KIF26B: variants seen among roughly 807,000 people sequenced by gnomAD.
The protein encoded by KIF26B is kinesin family member 26B, also known as kinesin-like protein KIF26B.
KIF26B carries 63 observed loss-of-function variants against 151.2 expected under a neutral mutation model. That is an observed-to-expected ratio of 0.42 (90% CI 0.34 to 0.51). The LOEUF (loss-of-function observed/expected upper bound fraction) is 0.51. KIF26B is among the 20% of genes least tolerant of loss of function. The pLI is 0.07. For missense variants in KIF26B, 2,813 were observed against 2,913.6 expected (o/e 0.97, Z 0.79); for synonymous variants, 1,357 against 1,262.1 (o/e 1.08, Z -1.59).
intron 10 of KIF26B, among the ~76,000 whole-genome samples, chr1:245,662,094 TAC>T (rs1446860056): frequency 7.0e-6 from 1 of 143,442 alleles, no homozygotes; most frequent in Non-Finnish European, 1.5e-5. Flanking sequence ...ATGATATACA[TAC>T]ACACACTCAA....
At chr1:245,531,137 A>G (rs1037281452) in intron 4 of KIF26B, among the ~76,000 whole-genome samples, 1 of 152,236 alleles carries the variant, frequency 6.6e-6, no homozygotes, top group Non-Finnish European at 1.5e-5. Flanking sequence ...TATGTTGCTA[A>G]GCAACCAGAT....
intron 4 of KIF26B, among the ~76,000 whole-genome samples, chr1:245,455,694 CAG>C (rs1428698072): frequency 6.6e-6 from 1 of 152,092 alleles, no homozygotes; most frequent in African/African-American, 2.4e-5. Context: ...TTCAAGAAGC[CAG>C]AGAGTGTGAA....
In KIF26B at chr1:245,553,601, C is replaced by T. The variant is rs9970676; in HGVS notation, c.1350+12651C>T. ...TTATGTTTCCCTGCCCTAAGCACAC[C>T]GATGAAAGTACATTAATACTCAAAA... On this transcript the variant is annotated intron_variant, in intron 5 of 14. Coordinates refer to ENST00000407071, the MANE Select transcript of KIF26B (RefSeq NM_018012.4). Among the ~76,000 whole-genome samples, 1,336 of 151,920 alleles carry T rather than the reference C, an allele frequency of 8.8e-3. 15 individuals carry two copies. Among genetic ancestry groups the T allele is most frequent in the African/African-American group, 0.031 (1,264 of 41,386 alleles).
At chr1:245,475,390 G>A (rs947064905) in intron 4 of KIF26B, among the ~76,000 whole-genome samples, 1 of 151,740 alleles carries the variant, frequency 6.6e-6, no homozygotes, top group Non-Finnish European at 1.5e-5. Context: ...GGGTTCCATT[G>A]TTTACAATGG....
intron 2 of KIF26B, among the ~76,000 whole-genome samples, chr1:245,301,797 C>T (rs992246988): frequency 5.3e-5 from 8 of 152,172 alleles, no homozygotes; most frequent in African/African-American, 1.9e-4. Context: ...CAAAGAAATC[C>T]CTGGTCAAGC....
In KIF26B at chr1:245,540,268, C is replaced by T. The variant is rs1661583356; in HGVS notation, c.1167-499C>T. 6.6e-6 allele frequency among the ~76,000 whole-genome samples: 1 copy of T among 152,190 alleles called. No individual in the cohort carries two copies. Among genetic ancestry groups the T allele is most frequent in the South Asian group, 2.1e-4 (1 of 4,832 alleles). On this transcript the variant is annotated intron_variant, in intron 4 of 14. Coordinates refer to ENST00000407071, the MANE Select transcript of KIF26B (RefSeq NM_018012.4). This position sits in a 1 kb window ranked among gnomAD's most constrained non-coding sequence, Gnocchi z 4.6. ...AACCAGTTTGATTTTTCCTGTTGCA[C>T]TGGGGCTTGTGTTTTTCTTCCAGTG... is the stretch of plus-strand genomic sequence containing the variant.
chr1:245,316,585 A>T (rs1671780959), intron 2 of KIF26B, among the ~76,000 whole-genome samples: 1 of 151,928 alleles, frequency 6.6e-6, no homozygotes, highest in East Asian at 1.9e-4. Flanking sequence ...TTCTGATAGA[A>T]TGTGCTTTAA....
chr1:245,503,010 C>T (rs554348960), intron 4 of KIF26B, among the ~76,000 whole-genome samples: 1 of 152,054 alleles, frequency 6.6e-6, no homozygotes, highest in East Asian at 1.9e-4. Context: ...TACAGACATG[C>T]GCCACCACCC....
chr1:245,485,014 A>G (rs1660250496), intron 4 of KIF26B, among the ~76,000 whole-genome samples: 1 of 152,234 alleles, frequency 6.6e-6, no homozygotes, highest in Non-Finnish European at 1.5e-5. Context: ...TGTGGGGTAT[A>G]CATGGAATAG....
intron 4 of KIF26B, among the ~76,000 whole-genome samples, chr1:245,433,381 C>T (rs1317315299): frequency 2.0e-5 from 3 of 151,212 alleles, no homozygotes; most frequent in East Asian, 1.9e-4. Context: ...GCAGGAGAAT[C>T]GCTTGAACCT....
intron 2 of KIF26B, among the ~76,000 whole-genome samples, chr1:245,276,736 T>A (rs1573747597): frequency 6.6e-6 from 1 of 152,316 alleles, no homozygotes; most frequent in East Asian, 1.9e-4. Context: ...TGCAGCAGCC[T>A]GAGATGCAGG....
intron 2 of KIF26B, among the ~76,000 whole-genome samples, chr1:245,363,921 G>C (rs894847908): frequency 1.3e-5 from 2 of 152,222 alleles, no homozygotes; most frequent in African/African-American, 4.8e-5. Context: ...GTGGAGGACA[G>C]CTGTGAGGAG....
At chr1:245,647,424 C>CAAAAAA (rs372008159) in intron 10 of KIF26B, among the ~76,000 whole-genome samples, 2 of 96,522 alleles carry the variant, frequency 2.1e-5, no homozygotes, top group African/African-American at 4.3e-5. Flanking sequence ...GACTCCTTCT[C>CAAAAAA]AAAAAAAAAA....
At chr1:245,310,739 C>T (rs1442499406) in intron 2 of KIF26B, among the ~76,000 whole-genome samples, 1 of 152,138 alleles carries the variant, frequency 6.6e-6, no homozygotes, top group African/African-American at 2.4e-5. Context: ...GCAGCAGCAA[C>T]GCGGGACGAT....
chr1:245,443,434 C>A (rs1275462816), intron 4 of KIF26B, among the ~76,000 whole-genome samples: 1 of 82,176 alleles, frequency 1.2e-5, no homozygotes, highest in African/African-American at 5.6e-5. Context: ...GTTCACCCTG[C>A]GGTCATCTCC....
At chr1:245,362,364 T>TA (rs775148578) in intron 2 of KIF26B, among the ~76,000 whole-genome samples, 3,691 of 82,528 alleles carry the variant, frequency 0.045, 99 homozygotes, top group African/African-American at 0.094. Context: ...CCGTCTCTAC[T>TA]AAAAAAAAAA....
At chr1:245,404,735 G>A (rs1241731022) in intron 3 of KIF26B, among the ~76,000 whole-genome samples, 2 of 152,222 alleles carry the variant, frequency 1.3e-5, no homozygotes, top group African/African-American at 2.4e-5. Context: ...AAGACATAAT[G>A]AGATGGTACA....
intron 2 of KIF26B, among the ~76,000 whole-genome samples, chr1:245,175,813 G>C (rs1558334533): frequency 6.6e-6 from 1 of 151,712 alleles, no homozygotes. Flanking sequence ...AGAGTCACGG[G>C]CTTTATTGAA....
intron 2 of KIF26B, among the ~76,000 whole-genome samples, chr1:245,179,080 T>C (rs1668860684): frequency 6.6e-6 from 1 of 152,084 alleles, no homozygotes; most frequent in Non-Finnish European, 1.5e-5. Context: ...AACTTGTAAA[T>C]AGGCAAAACG....
Sources: gnomAD v4.1 joint callset for allele counts (sites outside exome capture counted in the v4.1 genomes callset) on GRCh38, gnomAD v4.1.1 for gene constraint, Gnocchi (gnomAD v3.1) non-coding constraint, MANE v1.5 for transcripts, NCBI Gene and HGNC (gene_info 2026-07-23, HGNC 2026-07-21) for gene names.